The following PPM1L variants were observed in gnomAD, a reference collection of about 807,000 sequenced individuals.
PPM1L encodes protein phosphatase 1L.
A neutral mutation model predicts 31.4 loss-of-function variants in PPM1L; 13 were observed. The ratio of observed to expected loss-of-function variants is 0.41; its 90% CI spans 0.27 to 0.66. The LOEUF is 0.66. Ranked by LOEUF, PPM1L falls within the 30% of genes least tolerant of loss-of-function variation. The pLI is 0.29. For synonymous variants in PPM1L, 184 were observed against 175.4 expected (o/e 1.05, Z -0.39); for missense variants, 326 against 453.7 (o/e 0.72, Z 2.56).
At chr3:160,826,707 A>T (rs1196218612) in intron 1 of PPM1L, among the ~76,000 whole-genome samples, 1 of 152,198 alleles carries the variant, frequency 6.6e-6, no homozygotes, top group East Asian at 1.9e-4. Flanking sequence ...TACTATCTTT[A>T]AAAGAAAATG....
chr3:160,932,099 G>A (rs1257769463), intron 1 of PPM1L, among the ~76,000 whole-genome samples: 1 of 151,978 alleles, frequency 6.6e-6, no homozygotes, highest in Non-Finnish European at 1.5e-5. Flanking sequence ...TTTTAGCTAT[G>A]TATGTTTTCT....
intron 1 of PPM1L, among the ~76,000 whole-genome samples, chr3:160,766,530 A>C (rs974206390): frequency 6.6e-6 from 1 of 151,872 alleles, no homozygotes; most frequent in African/African-American, 2.4e-5. Context: ...CTCTCCTGCC[A>C]CTCTGTGAAG....
intron 2 of PPM1L, among the ~76,000 whole-genome samples, chr3:161,028,908 G>GT (rs1402353596): frequency 9.2e-5 from 14 of 152,082 alleles, no homozygotes; most frequent in African/African-American, 3.4e-4. Flanking sequence ...GATGAACTGT[G>GT]GTCAGTATGG....
intron 2 of PPM1L, among the ~76,000 whole-genome samples, chr3:160,996,370 C>G (rs1173778093): frequency 6.6e-6 from 1 of 152,070 alleles, no homozygotes; most frequent in African/African-American, 2.4e-5. Context: ...TTCACAATTG[C>G]AAAAATACGG....
At chr3:160,899,022 A>G (rs915986436) in intron 1 of PPM1L, among the ~76,000 whole-genome samples, 4 of 152,068 alleles carry the variant, frequency 2.6e-5, no homozygotes, top group Non-Finnish European at 5.9e-5. Flanking sequence ...CTAACGTTCC[A>G]GTGTTCATAA....
At chr3:160,764,529 C>T (rs1010529384) in intron 1 of PPM1L, among the ~76,000 whole-genome samples, 163 of 150,970 alleles carry the variant, frequency 1.1e-3, no homozygotes, top group African/African-American at 3.7e-3. Context: ...TGCAATGGCA[C>T]GATCTAGGCT....
chr3:160,784,609 A>C (rs995110800), intron 1 of PPM1L, among the ~76,000 whole-genome samples: 1 of 152,250 alleles, frequency 6.6e-6, no homozygotes, highest in Admixed American at 6.5e-5. Context: ...TTAACAATCT[A>C]CAAAAGGCTG....
chr3:160,913,036 C>T (rs1277507465), intron 1 of PPM1L, among the ~76,000 whole-genome samples: 2 of 152,102 alleles, frequency 1.3e-5, no homozygotes, highest in African/African-American at 4.8e-5. Context: ...AACAGGTTAT[C>T]ATGGGATAGA....
chr3:160,961,446 T>C (rs1715960916), intron 1 of PPM1L, among the ~76,000 whole-genome samples: 1 of 152,274 alleles, frequency 6.6e-6, no homozygotes, highest in Admixed American at 6.5e-5. Flanking sequence ...GGGCCTTCAG[T>C]TCACTATAAT....
chr3:160,799,417 T>G (rs60447858), intron 1 of PPM1L, among the ~76,000 whole-genome samples: 2 of 152,136 alleles, frequency 1.3e-5, no homozygotes, highest in South Asian at 4.1e-4. Flanking sequence ...ACCAGCAAAA[T>G]TGCTGAAGGC....
chr3:160,830,629 GT>G (rs1317606197), intron 1 of PPM1L, among the ~76,000 whole-genome samples: 3 of 152,066 alleles, frequency 2.0e-5, no homozygotes, highest in African/African-American at 7.2e-5. Context: ...AAATTTTATG[GT>G]TTCAAGATTC....
intron 2 of PPM1L, among the ~76,000 whole-genome samples, chr3:161,007,149 C>T (rs1717740036): frequency 6.6e-6 from 1 of 152,154 alleles, no homozygotes; most frequent in African/African-American, 2.4e-5. Flanking sequence ...CACTCAACGA[C>T]CTATATTCTA....
chr3:161,042,158 G>A (rs1718931414), intron 2 of PPM1L, among the ~76,000 whole-genome samples: 1 of 152,064 alleles, frequency 6.6e-6, no homozygotes, highest in South Asian at 2.1e-4. Flanking sequence ...TTCTGTGGTT[G>A]GTTCTGTCAA....
intron 2 of PPM1L, among the ~76,000 whole-genome samples, chr3:161,008,344 A>G (rs1479147022): frequency 6.6e-6 from 1 of 152,190 alleles, no homozygotes; most frequent in Non-Finnish European, 1.5e-5. Context: ...TTCCCCATTC[A>G]ATCTATTAGA....
intron 2 of PPM1L, among the ~76,000 whole-genome samples, chr3:161,022,868 G>A (rs949734794): frequency 9.9e-5 from 15 of 151,996 alleles, no homozygotes; most frequent in Admixed American, 1.3e-4. Context: ...GTTTCACTGT[G>A]TTAGCCAGAA....
chr3:160,784,082 C>T (rs958444744), intron 1 of PPM1L, among the ~76,000 whole-genome samples: 6 of 151,998 alleles, frequency 3.9e-5, no homozygotes, highest in African/African-American at 1.2e-4. Flanking sequence ...GAAAGTGCAA[C>T]GATGTTTTCA....
chr3:160,835,305 A>G (rs929512370), intron 1 of PPM1L, among the ~76,000 whole-genome samples: 1 of 151,762 alleles, frequency 6.6e-6, no homozygotes, highest in African/African-American at 2.4e-5. Flanking sequence ...CTCTTAAGCA[A>G]TGAGTATCCA....
intron 2 of PPM1L, among the ~76,000 whole-genome samples, chr3:160,968,989 G>A (rs1839013): frequency 1 from 152,256 of 152,334 alleles, 76,089 homozygotes; most frequent in Middle Eastern, 1. Flanking sequence ...ATGCACTTAC[G>A]CGTAGAAAGT....
At chr3:160,832,147 A>G (rs1713541361) in intron 1 of PPM1L, among the ~76,000 whole-genome samples, 1 of 152,170 alleles carries the variant, frequency 6.6e-6, no homozygotes. Flanking sequence ...TTTATTAAGG[A>G]AAGGGGATGT....
Sources: gnomAD v4.1 joint callset for allele counts (sites outside exome capture counted in the v4.1 genomes callset) on GRCh38, gnomAD v4.1.1 for gene constraint, MANE v1.5 for transcripts, NCBI Gene and HGNC (gene_info 2026-07-23, HGNC 2026-07-21) for gene names.